Variants in CLCC1 observed in about 807,000 individuals in gnomAD.
The protein encoded by CLCC1 is chloride channel CLIC-like protein 1.
Under a neutral mutation model 63.3 loss-of-function variants are expected in CLCC1, and 39 were observed. The observed-to-expected ratio is 0.62, with a 90% confidence interval of 0.48 to 0.81. The LOEUF is 0.81. CLCC1 is among the 30% of genes least tolerant of loss of function. The pLI, the probability that CLCC1 is intolerant of heterozygous loss-of-function variation, is 0.00. For missense variants in CLCC1, 549 were observed against 669.4 expected (o/e 0.82, Z 1.98); for synonymous variants, 217 against 239.8 (o/e 0.90, Z 0.88).
At position 108,950,438 on chromosome 1, in the gene CLCC1, C is replaced by G. The variant is rs1432937982; in HGVS notation, c.-1G>C. 1 of 1,598,666 alleles carries G rather than the reference C, an allele frequency of 6.3e-7. No homozygotes were observed. Among genetic ancestry groups the G allele is most frequent in the Non-Finnish European group, 8.5e-7 (1 of 1,170,712 alleles). On this transcript the variant is annotated 5_prime_UTR_variant, in exon 3 of 13. Coordinates refer to ENST00000369969, the MANE Select transcript of CLCC1 (RefSeq NM_001377458.1). ...CACAAAGGAGCAAAGAACACAGCAT[C>G]CTGTATAAGGCTAAAACAATTTTTA...
rs117484135 is a variant in CLCC1, at chr1:108,930,983, T to C, written c.*1564A>G. 0.052 allele frequency: 8,635 copies of C among 165,166 alleles called. 264 individuals are homozygous for C. Among genetic ancestry groups the C allele is most frequent in the Middle Eastern group, 0.13 (42 of 318 alleles). 10.2% of individuals were successfully genotyped at this position (165,166 alleles called of 1,614,324 possible). A position where few individuals can be genotyped will look rare whatever the true frequency, so the allele number is the denominator to read the frequency against. Reference sequence around the variant, plus strand: ...AGGAGGACCACTTGAGCCCAGGAGGTGGAGGCTGCACTGAGCTATGATCGT... The same window carrying C: ...AGGAGGACCACTTGAGCCCAGGAGGCGGAGGCTGCACTGAGCTATGATCGT... On this transcript the variant is annotated 3_prime_UTR_variant, in exon 13 of 13. Transcript: ENST00000369969.
chr1:108,933,770 T>C (rs1042056818), intron 12 of CLCC1: 3 of 152,236 alleles, frequency 2.0e-5, no homozygotes, highest in Non-Finnish European at 4.4e-5. Context: ...TGATGTCCTG[T>C]CTGCAGTTAA....
chr1:108,951,967 A>T (rs908357852), intron 2 of CLCC1, among the ~76,000 whole-genome samples: 10 of 151,864 alleles, frequency 6.6e-5, no homozygotes, highest in African/African-American at 2.4e-4. Context: ...TTGTAGAGAT[A>T]GGGTCTCACT....
At chr1:108,961,377 C>T (rs535765283) in intron 2 of CLCC1, among the ~76,000 whole-genome samples, 1 of 151,806 alleles carries the variant, frequency 6.6e-6, no homozygotes, top group East Asian at 1.9e-4. Flanking sequence ...GCAGACCACA[C>T]TCTTGAGTAG....
In CLCC1 at chr1:108,930,067, T is replaced by C; in HGVS notation, c.*2480A>G. ...ATATTTTTAGAATGATGTAAATAGT[T>C]AACCTTCAGTAGTCTATTAAGGCAT... On this transcript the variant is annotated 3_prime_UTR_variant, in exon 13 of 13. Transcript: ENST00000369969. 1.2e-6 allele frequency: 1 copy of C among 868,724 alleles called. No homozygotes were observed. The highest frequency in any genetic ancestry group is 1.7e-5 in the South Asian group (1 of 60,088). The allele number at this position is 868,724 out of a possible 1,614,324, so 53.8% of individuals were successfully genotyped here.
Position 108,950,420 on chromosome 1 carries a change from G to A in CLCC1, c.18C>T (p.Leu6=), listed in dbSNP as rs771350997. The A allele has an allele frequency of 6.2e-7, 1 of 1,608,656 alleles. No individual in the cohort carries two copies. The highest frequency in any genetic ancestry group is 8.5e-7 in the Non-Finnish European group (1 of 1,176,626). The change falls in exon 3 of 13, where the codon CTC becomes CTT. Residue 6 remains leucine (L), a synonymous_variant. Transcript: ENST00000369969. MLCSL[L]LCECLLLVAG... ...CTACCAGCAACAGACATTCACAAAG[G>A]AGCAAAGAACACAGCATCCTGTATA...
At position 108,930,199 on chromosome 1, in the gene CLCC1, C is replaced by T. The variant is rs973163298; in HGVS notation, c.*2348G>A. On this transcript the variant is annotated 3_prime_UTR_variant, in exon 13 of 13. Transcript: ENST00000369969. ...TGTTCTTTGGCAGCTTGTGAGATTA[C>T]TTTACCTAGTGTTTATAAAGTAGGA... 4.9e-6 allele frequency: 2 copies of T among 410,528 alleles called. No individual in the cohort carries two copies. Among genetic ancestry groups the T allele is most frequent in the Middle Eastern group, 6.4e-4 (1 of 1,562 alleles). The allele number at this position is 410,528 out of a possible 1,614,324, so 25.4% of individuals were successfully genotyped here. A position where few individuals can be genotyped will look rare whatever the true frequency, so the allele number is the denominator to read the frequency against.
rs761958791 is a variant in CLCC1, at chr1:108,953,645, ATGTT to A, written c.-11-3201_-11-3198del. ...TTGGCACGTGAAAGACATTCAGTAAATGTTTGTTAAGCAGCAAATGCAAATAAAG... is the reference window on the plus strand; with the variant it reads ...TTGGCACGTGAAAGACATTCAGTAAATGTTAAGCAGCAAATGCAAATAAAG... On this transcript the variant is annotated intron_variant, in intron 2 of 12. Transcript: ENST00000369969. Among the ~76,000 whole-genome samples, 12 of 152,340 alleles carry A rather than the reference ATGTT, an allele frequency of 7.9e-5. 1 individual carries two copies. The highest frequency in any genetic ancestry group is 2.6e-4 in the African/African-American group (11 of 41,580).
chr1:108,958,295 A>G (rs1656170645), intron 2 of CLCC1, among the ~76,000 whole-genome samples: 2 of 151,540 alleles, frequency 1.3e-5, no homozygotes, highest in Non-Finnish European at 1.5e-5. Flanking sequence ...AAATTCCAGA[A>G]GTAAACAGTT....
intron 2 of CLCC1, among the ~76,000 whole-genome samples, chr1:108,960,131 C>A (rs1656436473): frequency 1.3e-5 from 2 of 152,074 alleles, no homozygotes; most frequent in African/African-American, 4.8e-5. Flanking sequence ...AAGACCCTGA[C>A]TCAATTAAAA....
chr1:108,931,391 G>A lies in CLCC1; in HGVS notation c.*1156C>T. 1 of 1,551,096 alleles carries A rather than the reference G, an allele frequency of 6.4e-7. No individual in the cohort carries two copies. Among genetic ancestry groups the A allele is most frequent in the Non-Finnish European group, 8.7e-7 (1 of 1,147,118 alleles). On this transcript the variant is annotated 3_prime_UTR_variant, in exon 13 of 13. Transcript: ENST00000369969. ...CAAAAGACAAGTATGGGACAGACTGGGACCTGGAGTAACACTGGATCACAG... is the reference window on the plus strand; with the variant it reads ...CAAAAGACAAGTATGGGACAGACTGAGACCTGGAGTAACACTGGATCACAG...
In CLCC1 at chr1:108,943,910, T is replaced by C. The variant is rs1654187965; in HGVS notation, c.487A>G (p.Lys163Glu). 6.2e-7 allele frequency: 1 copy of C among 1,613,760 alleles called. No individual in the cohort carries two copies. Among genetic ancestry groups the C allele is most frequent in the Non-Finnish European group, 8.5e-7 (1 of 1,179,712 alleles). ...TTCCATGTTTCAAAATCATGAAACT[T>C]AAAATTAATTAAAATATCACTTAGT... ...DALSDILINF[K>E]FHDFETWKWR... Residue 163 changes from lysine to glutamate, a missense_variant, in exon 6 of 13, where the codon AAG becomes GAG. Physicochemically the swap from Lys to Glu is moderately conservative, Grantham distance 56. Coordinates refer to ENST00000369969, the MANE Select transcript of CLCC1 (RefSeq NM_001377458.1).
chr1:108,953,449 G>A (rs1260842874), intron 2 of CLCC1, among the ~76,000 whole-genome samples: 3 of 152,130 alleles, frequency 2.0e-5, no homozygotes, highest in African/African-American at 7.2e-5. Flanking sequence ...CAGGCACTTC[G>A]ATCTTTTTAA....
intron 4 of CLCC1, 41 bp from the exon 5 acceptor site, chr1:108,947,759 GTATAA>G (rs1396667146): frequency 3.0e-6 from 4 of 1,346,934 alleles, no homozygotes; most frequent in East Asian, 2.3e-5. Flanking sequence ...TAGAGTCAAA[GTATAA>G]TATAAGGGTT....
At position 108,929,995 on chromosome 1, in the gene CLCC1, C is replaced by CTTT; in HGVS notation, c.*2549_*2551dup. On this transcript the variant is annotated 3_prime_UTR_variant, in exon 13 of 13. Transcript: ENST00000369969. ...AACACGGTAAGGAAACAATCTATTACTTTTTTCCTTAAAAGGAGAATTTAT... is the reference window on the plus strand; with the variant it reads ...AACACGGTAAGGAAACAATCTATTACTTTTTTTTTCCTTAAAAGGAGAATTTAT... 1 of 1,506,644 alleles carries CTTT rather than the reference C, an allele frequency of 6.6e-7. No individual in the cohort carries two copies. Among genetic ancestry groups the CTTT allele is most frequent in the Non-Finnish European group, 9.2e-7 (1 of 1,089,742 alleles). 93.3% of individuals were successfully genotyped at this position (1,506,644 alleles called of 1,614,324 possible).
At chr1:108,954,851 T>TGTGTGTGTGTGTGTGA (rs1372044601) in intron 2 of CLCC1, among the ~76,000 whole-genome samples, 1 of 145,736 alleles carries the variant, frequency 6.9e-6, no homozygotes, top group African/African-American at 2.6e-5. Flanking sequence ...TGTGTGTGTG[T>TGTGTGTGTGTGTGTGA]GACGGAGTTT....
chr1:108,943,694 A>C, intron 6 of CLCC1, 79 bp from the exon 7 acceptor site: 1 of 1,563,784 alleles, frequency 6.4e-7, no homozygotes, highest in Non-Finnish European at 8.8e-7. Flanking sequence ...AAAGCACAAA[A>C]TCATTTCTAC....
chr1:108,940,900 G>A (rs189279217), intron 8 of CLCC1, among the ~76,000 whole-genome samples: 4 of 152,138 alleles, frequency 2.6e-5, no homozygotes, highest in East Asian at 1.9e-4. Context: ...CCCATTGCTA[G>A]ATACATACAA....
At chr1:108,938,461 CA>C (rs1653339628) in intron 10 of CLCC1, among the ~76,000 whole-genome samples, 1 of 152,062 alleles carries the variant, frequency 6.6e-6, no homozygotes. Context: ...AAAACAAAAC[CA>C]AAAAAGAAAC....
Sources: allele counts gnomAD v4.1 joint callset (sites outside exome capture counted in the v4.1 genomes callset), GRCh38; gene constraint gnomAD v4.1.1; transcripts MANE v1.5; gene names NCBI Gene and HGNC (gene_info 2026-07-23, HGNC 2026-07-21).